Variants in PSMB3 observed in about 807,000 individuals in gnomAD.
PSMB3 encodes the protein proteasome 20S subunit beta 3.
PSMB3 carries 5 observed loss-of-function variants against 23.3 expected under a neutral mutation model. That is an observed-to-expected ratio of 0.21 (90% CI 0.11 to 0.45). The LOEUF (loss-of-function observed/expected upper bound fraction) is 0.45, where lower values mean the gene tolerates loss of function less well. Among genes scored for constraint, PSMB3 ranks in the 20% least tolerant of loss-of-function variants. The pLI, the probability that PSMB3 is intolerant of heterozygous loss-of-function variation, is 0.99. For missense variants in PSMB3, 192 were observed against 277.9 expected (o/e 0.69, Z 2.20); for synonymous variants, 85 against 99.8 (o/e 0.85, Z 0.88).
At position 38,763,744 on chromosome 17, in the gene PSMB3, G is replaced by A. The variant is rs567376840; in HGVS notation, c.570-375G>A. ...TCTTGAACTCCTGACCTCGTGATCC[G>A]CCTGCCTCAGGCCTCCCAAAGTGCT... On this transcript the variant is annotated intron_variant, in intron 5 of 5. Coordinates refer to ENST00000619426, the MANE Select transcript of PSMB3 (RefSeq NM_002795.4). 7.9e-5 allele frequency among the ~76,000 whole-genome samples: 12 copies of A among 151,938 alleles called. No homozygotes were observed. The East Asian group carries it at 2.1e-3, about 27-fold the overall frequency.
chr17:38,760,444 T>G lies in PSMB3; in HGVS notation c.310T>G (p.Tyr104Asp), dbSNP rs1274683060. The change falls in exon 4 of 6, where the codon TAC (tyrosine) becomes GAC (aspartate). Residue 104 changes from tyrosine to aspartate, a missense_variant. Transcript: ENST00000619426. ...LLYEKRFGPY[Y>D]TEPVIAGLDP... ...TGGCCCCCACAGGTTTGGCCCTTAC[T>G]ACACTGAGCCAGTCATTGCCGGGTT... is the stretch of plus-strand genomic sequence containing the variant. The G allele has an allele frequency of 6.2e-7, 1 of 1,614,176 alleles. No homozygotes were observed. The highest frequency in any genetic ancestry group is 8.5e-7 in the Non-Finnish European group (1 of 1,180,004).
Position 38,762,466 on chromosome 17 carries a change from G to A in PSMB3, c.530G>A (p.Arg177Gln), listed in dbSNP as rs1224894009. The change falls in exon 5 of 6, where the codon CGG (arginine) becomes CAG (glutamine). Residue 177 changes from arginine to glutamine, a missense_variant. Arg to Gln is a conservative substitution (Grantham distance 43, BLOSUM62 1). Coordinates refer to ENST00000619426, the MANE Select transcript of PSMB3 (RefSeq NM_002795.4). Reference sequence around the variant, plus strand: ...CAAGCCATGCTGAATGCTGTGGACCGGGATGCAGTGTCAGGCATGGGAGTC... The same window carrying A: ...CAAGCCATGCTGAATGCTGTGGACCAGGATGCAGTGTCAGGCATGGGAGTC... ...ISQAMLNAVDRDAVSGMGVIV... is the reference protein window; with the variant it reads ...ISQAMLNAVDQDAVSGMGVIV... 2.5e-6 allele frequency: 4 copies of A among 1,614,184 alleles called. No individual in the cohort carries two copies. The highest frequency in any genetic ancestry group is 1.1e-5 in the South Asian group (1 of 91,084).
At chr17:38,753,391 G>A in intron 2 of PSMB3, 57 bp downstream of exon 2, 3 of 1,552,914 alleles carry the variant, frequency 1.9e-6, no homozygotes, top group Non-Finnish European at 2.6e-6. Flanking sequence ...ATCCAACCCC[G>A]GCGTCTTGAC....
chr17:38,755,796 G>A, intron 2 of PSMB3, 87 bp from the exon 3 acceptor site: 1 of 1,125,836 alleles, frequency 8.9e-7, no homozygotes, highest in Non-Finnish European at 1.3e-6. Flanking sequence ...GAGATGAGAT[G>A]TCTCCTTATG....
At chr17:38,758,384 G>C (rs1470623192) in intron 3 of PSMB3, among the ~76,000 whole-genome samples, 1 of 151,668 alleles carries the variant, frequency 6.6e-6, no homozygotes, top group African/African-American at 2.4e-5. Context: ...CTTTCGCCCA[G>C]GCTGGAGTGC....
intron 4 of PSMB3, among the ~76,000 whole-genome samples, chr17:38,761,187 T>TA (rs967576860): frequency 3.1e-4 from 46 of 150,682 alleles, no homozygotes; most frequent in Admixed American, 6.6e-4. Context: ...CCGTCTCTAC[T>TA]AAAAAAAAAG....
At chr17:38,755,672 A>ATGTGTGTGTGTGTG (rs1296883337) in intron 2 of PSMB3, among the ~76,000 whole-genome samples, 2 of 88,784 alleles carry the variant, frequency 2.3e-5, no homozygotes, top group Non-Finnish European at 4.8e-5. Context: ...ATATATATAT[A>ATGTGTGTGTGTGTG]TATATATATA....
In PSMB3 at chr17:38,753,177, G is replaced by T. The variant is rs1318589515; in HGVS notation, c.31G>T (p.Val11Phe). The T allele has an allele frequency of 6.2e-7, 1 of 1,614,042 alleles. No homozygotes were observed. Among genetic ancestry groups the T allele is most frequent in the East Asian group, 2.2e-5 (1 of 44,892 alleles). MSIMSYNGGA[V>F]MAMKGKNCVA... is the part of the protein sequence containing the mutation. Reference sequence around the variant, plus strand: ...TATTATGTCCTATAACGGAGGGGCCGTCATGGCCATGAAGGGGAAGAACTG... The same window carrying T: ...TATTATGTCCTATAACGGAGGGGCCTTCATGGCCATGAAGGGGAAGAACTG... Residue 11 changes from valine (V) to phenylalanine (F), a missense_variant, in exon 2 of 6, where the codon GTC (valine) becomes TTC (phenylalanine). By Grantham distance (50) the Val-to-Phe change is conservative. Transcript: ENST00000619426.
rs1567641890 is a variant in PSMB3, at chr17:38,752,837, G to A, written c.3+8G>A. On this transcript the variant is annotated splice_region_variant and intron_variant, in intron 1 of 5. Coordinates refer to ENST00000619426, the MANE Select transcript of PSMB3 (RefSeq NM_002795.4). The surrounding 1 kb of genome is among the most constrained non-coding windows in gnomAD (Gnocchi z 5.5). ...TAGTACACCGCAATCATGGTGAGAT[G>A]GGGAGTTAAAGCAAAGGGGCATGGG... The A allele has an allele frequency of 6.2e-7, 1 of 1,613,946 alleles. No individual in the cohort carries two copies. Among genetic ancestry groups the A allele is most frequent in the East Asian group, 2.2e-5 (1 of 44,882 alleles).
intron 2 of PSMB3, among the ~76,000 whole-genome samples, chr17:38,754,852 T>G (rs1451093717): frequency 6.6e-6 from 1 of 152,234 alleles, no homozygotes; most frequent in African/African-American, 2.4e-5. Flanking sequence ...GTGGCATTGG[T>G]CTGCTCTATG....
At chr17:38,757,545 G>A (rs553564416) in intron 3 of PSMB3, among the ~76,000 whole-genome samples, 2 of 151,712 alleles carry the variant, frequency 1.3e-5, no homozygotes, top group East Asian at 2.0e-4. Flanking sequence ...GGTCGGGCGT[G>A]GTGGCTCATG....
chr17:38,760,401 G>A (rs977817883), intron 3 of PSMB3, 30 bp from the exon 4 acceptor site: 1 of 1,609,070 alleles, frequency 6.2e-7, no homozygotes, highest in Non-Finnish European at 8.5e-7. Flanking sequence ...CTTGAGTTCT[G>A]GTTTCTCTCT....
chr17:38,755,678 ATATATG>A (rs1567643401), intron 2 of PSMB3, among the ~76,000 whole-genome samples, 199 bp from the exon 3 acceptor site: 6 of 107,088 alleles, frequency 5.6e-5, no homozygotes, highest in Admixed American at 2.2e-4. Flanking sequence ...ATATATATAT[ATATATG>A]TGTGTGTGTG....
chr17:38,759,090 T>C (rs1908328804), intron 3 of PSMB3, among the ~76,000 whole-genome samples: 1 of 152,216 alleles, frequency 6.6e-6, no homozygotes, highest in African/African-American at 2.4e-5. Context: ...ATAAGACATA[T>C]GGATAACGTC....
At chr17:38,756,598 C>T (rs537397031) in intron 3 of PSMB3, among the ~76,000 whole-genome samples, 47 of 151,966 alleles carry the variant, frequency 3.1e-4, no homozygotes, top group African/African-American at 1.1e-3. Context: ...CAGGTTCAAT[C>T]GATTCTTCTG....
intron 4 of PSMB3, among the ~76,000 whole-genome samples, chr17:38,761,036 A>G (rs1386050350): frequency 6.6e-6 from 1 of 152,144 alleles, no homozygotes. Flanking sequence ...AAATGAGGAT[A>G]AAAAAGTCTG....
At chr17:38,760,744 A>G (rs1432612931) in intron 4 of PSMB3, 136 bp downstream of exon 4, 3 of 1,048,886 alleles carry the variant, frequency 2.9e-6, no homozygotes, top group Non-Finnish European at 1.4e-6. Context: ...TGCTCCTTGG[A>G]AGGGTATCCA....
At chr17:38,756,518 C>T (rs907119139) in intron 3 of PSMB3, among the ~76,000 whole-genome samples, 19 of 151,758 alleles carry the variant, frequency 1.3e-4, no homozygotes, top group East Asian at 7.7e-4. Context: ...TTTTTTGAGA[C>T]GGAGTCTTGC....
At chr17:38,753,824 A>G (rs1017825038) in intron 2 of PSMB3, among the ~76,000 whole-genome samples, 1 of 152,220 alleles carries the variant, frequency 6.6e-6, no homozygotes, top group African/African-American at 2.4e-5. Flanking sequence ...GACAAGCCCA[A>G]TAGAAACATC....
Sources: allele counts gnomAD v4.1 joint callset (sites outside exome capture counted in the v4.1 genomes callset), GRCh38; gene constraint gnomAD v4.1.1; non-coding constraint Gnocchi (gnomAD v3.1); transcripts MANE v1.5; gene names NCBI Gene and HGNC (gene_info 2026-07-23, HGNC 2026-07-21).